The following CDS2 variants were observed in gnomAD, a reference collection of about 807,000 sequenced individuals.
The protein encoded by CDS2 is phosphatidate cytidylyltransferase 2.
In CDS2, 47 loss-of-function variants were observed where a neutral mutation model predicts 59.0. The ratio of observed to expected loss-of-function variants is 0.80; its 90% CI spans 0.63 to 1.02. CDS2 has a LOEUF of 1.02. CDS2 is among the 50% of genes least tolerant of loss of function. The pLI, the probability that CDS2 is intolerant of heterozygous loss-of-function variation, is 0.00. For synonymous variants in CDS2, 207 were observed against 206.4 expected (o/e 1.00, Z -0.02); for missense variants, 356 against 558.9 (o/e 0.64, Z 3.66).
intron 1 of CDS2, among the ~76,000 whole-genome samples, chr20:5,158,841 T>G (rs772491017): frequency 9.9e-5 from 15 of 152,172 alleles, no homozygotes; most frequent in South Asian, 2.1e-4. Flanking sequence ...TATGGTGGTG[T>G]TTTGCAGTGA....
At chr20:5,168,518 C>T in intron 1 of CDS2, 2 of 482,196 alleles carry the variant, frequency 4.1e-6, no homozygotes, top group Non-Finnish European at 8.3e-6. Flanking sequence ...AAGGGATTCT[C>T]TCTAGCCATG....
chr20:5,156,081 G>A (rs953270400), intron 1 of CDS2, among the ~76,000 whole-genome samples: 6 of 152,164 alleles, frequency 3.9e-5, no homozygotes, highest in Admixed American at 3.3e-4. Context: ...TAATATGGTA[G>A]TGTATGGAGA....
At chr20:5,156,618 G>T (rs1437570505) in intron 1 of CDS2, among the ~76,000 whole-genome samples, 2 of 152,172 alleles carry the variant, frequency 1.3e-5, no homozygotes, top group African/African-American at 4.8e-5. Context: ...AATTGTAAAT[G>T]CAGGCAGCCA....
intron 1 of CDS2, among the ~76,000 whole-genome samples, chr20:5,144,839 G>A (rs1038576225): frequency 6.6e-6 from 1 of 152,080 alleles, no homozygotes; most frequent in Non-Finnish European, 1.5e-5. Context: ...GCTTGATCCG[G>A]TCCTTTCCCC....
Position 5,189,258 on chromosome 20 carries a change from C to A in CDS2, c.1101+72C>A, listed in dbSNP as rs183609587. 29 of 1,576,872 alleles carry A rather than the reference C, an allele frequency of 1.8e-5. No homozygotes were observed. The Admixed American group carries it at 4.3e-4, about 24-fold the overall frequency. On this transcript the variant is annotated intron_variant, in intron 11 of 12. Transcript: ENST00000460006. ...CTTCTGCCTTTCTCCCCCTTCCCTG[C>A]CCCCTCCAAAATACTAGGCTGTACA...
At chr20:5,175,373 T>C in intron 3 of CDS2, 94 bp downstream of exon 3, 1 of 953,798 alleles carries the variant, frequency 1.0e-6, no homozygotes, top group Non-Finnish European at 1.7e-6. Context: ...GTTGTGGGAA[T>C]TGACGGGGGT....
intron 5 of CDS2, among the ~76,000 whole-genome samples, chr20:5,180,993 T>C (rs2091029911): frequency 6.6e-6 from 1 of 152,080 alleles, no homozygotes; most frequent in Non-Finnish European, 1.5e-5. Context: ...GAAGATTTTG[T>C]AAGTGTTTAA....
At chr20:5,170,334 T>C (rs141805341) in intron 1 of CDS2, among the ~76,000 whole-genome samples, 69 of 152,338 alleles carry the variant, frequency 4.5e-4, no homozygotes, top group African/African-American at 1.4e-3. Context: ...CCCTGCCTGC[T>C]TCCAGACCCT....
intron 4 of CDS2, among the ~76,000 whole-genome samples, chr20:5,178,179 T>A (rs541747428): frequency 3.6e-4 from 55 of 152,300 alleles, no homozygotes; most frequent in African/African-American, 1.3e-3. Context: ...GAGTTAACGC[T>A]AATGGAAGGT....
At position 5,173,620 on chromosome 20, in the gene CDS2, C is replaced by T. The variant is rs753149866; in HGVS notation, c.155C>T (p.Pro52Leu). 5.6e-6 allele frequency: 9 copies of T among 1,614,078 alleles called. No individual in the cohort carries two copies. Among genetic ancestry groups the T allele is most frequent in the Admixed American group, 1.7e-5 (1 of 59,998 alleles). Residue 52 changes from proline (P) to leucine (L), a missense_variant, in exon 2 of 13, where the codon CCG (proline) becomes CTG (leucine). By Grantham distance (98) the Pro-to-Leu change is moderately conservative. Around this residue, in one of 5 missense-constraint regions of CDS2, gnomAD observed 107 missense variants for 129.7 expected, o/e 0.82. Coordinates refer to ENST00000460006, the MANE Select transcript of CDS2 (RefSeq NM_003818.4). ...APLPVSADDT[P>L]EVLNRALSNL... ...CTGCCAGTCTCTGCAGATGATACCC[C>T]GGAGGTCCTCAATAGGGCCCTTTCC...
At chr20:5,189,946 G>A (rs2091100337) in intron 12 of CDS2, 108 bp downstream of exon 12, 1 of 1,325,106 alleles carries the variant, frequency 7.5e-7, no homozygotes, top group African/African-American at 1.5e-5. Flanking sequence ...AAATAATGCA[G>A]TTTTCAGTTG....
intron 1 of CDS2, among the ~76,000 whole-genome samples, chr20:5,142,919 C>T (rs925441672): frequency 6.6e-6 from 1 of 151,936 alleles, no homozygotes; most frequent in African/African-American, 2.4e-5. Flanking sequence ...AGTGGCTCAC[C>T]AAAGCCTCAA....
At chr20:5,161,678 C>G (rs1045688919) in intron 1 of CDS2, among the ~76,000 whole-genome samples, 1 of 152,194 alleles carries the variant, frequency 6.6e-6, no homozygotes, top group Non-Finnish European at 1.5e-5. Flanking sequence ...CGTAATTTAC[C>G]TAATAATTTT....
chr20:5,174,631 A>G (rs1352391494), intron 2 of CDS2, among the ~76,000 whole-genome samples: 8 of 152,056 alleles, frequency 5.3e-5, no homozygotes, highest in Non-Finnish European at 1.2e-4. Context: ...AGGCTGAGGC[A>G]AGAGAATGGC....
At chr20:5,182,658 C>G (rs989304949) in intron 6 of CDS2, among the ~76,000 whole-genome samples, 4 of 152,198 alleles carry the variant, frequency 2.6e-5, no homozygotes, top group African/African-American at 9.7e-5. Context: ...CCTTAAGCAG[C>G]CTCTCCACTA....
In CDS2 at chr20:5,173,556, A is replaced by G. The variant is rs751471229; in HGVS notation, c.91A>G (p.Thr31Ala). Residue 31 changes from threonine (T) to alanine (A), a missense_variant, in exon 2 of 13, where the codon ACT (threonine) becomes GCT (alanine). Thr to Ala is a moderately conservative substitution (Grantham distance 58). Coordinates refer to ENST00000460006, the MANE Select transcript of CDS2 (RefSeq NM_003818.4). ...GTCAGAAGCAAAGGTAGATGGAGAG[A>G]CTGCATCGGACAGTGAGAGCCGGGC... ...SESEAKVDGETASDSESRAES... is the reference protein window; with the variant it reads ...SESEAKVDGEAASDSESRAES... The G allele has an allele frequency of 1.2e-6, 2 of 1,614,154 alleles. No homozygotes were observed. The highest frequency in any genetic ancestry group is 2.2e-5 in the South Asian group (2 of 91,086).
chr20:5,190,066 C>T, intron 12 of CDS2, 36 bp from the exon 13 acceptor site: 1 of 1,608,390 alleles, frequency 6.2e-7, no homozygotes, highest in East Asian at 2.2e-5. Flanking sequence ...GCTTCCGGGC[C>T]CTAGCTCAGT....
intron 1 of CDS2, 139 bp from the exon 2 acceptor site, chr20:5,173,384 A>C (rs553187213): frequency 2.8e-5 from 25 of 881,356 alleles, no homozygotes; most frequent in Admixed American, 2.8e-4. Flanking sequence ...TAGTCCTGTC[A>C]GTCCCATCAC....
intron 1 of CDS2, among the ~76,000 whole-genome samples, chr20:5,155,285 CA>C (rs150395552): frequency 0.027 from 4,058 of 152,306 alleles, 74 homozygotes; most frequent in East Asian, 0.08. Context: ...CAAATGCCGG[CA>C]AAGCCAGTAT....
Sources: allele counts gnomAD v4.1 joint callset (sites outside exome capture counted in the v4.1 genomes callset), GRCh38; gene constraint gnomAD v4.1.1; regional missense constraint gnomAD v4.1.1; transcripts MANE v1.5; gene names NCBI Gene and HGNC (gene_info 2026-07-23, HGNC 2026-07-21).